Variants in MMP20 observed in about 807,000 individuals in gnomAD.
MMP20 encodes the protein matrix metallopeptidase 20, also known as matrix metalloproteinase-20.
In MMP20, 50 loss-of-function variants were observed where a neutral mutation model predicts 51.8. The ratio of observed to expected loss-of-function variants is 0.97; its 90% CI spans 0.77 to 1.22. MMP20 has a LOEUF of 1.22. MMP20 is among the 50% of genes most tolerant of loss of function. The pLI, the probability that MMP20 is intolerant of heterozygous loss-of-function variation, is 0.00. For missense variants in MMP20, 663 were observed against 601.4 expected, an observed-to-expected ratio of 1.10 and a Z score of -1.07; for synonymous variants, 244 against 216.2, an observed-to-expected ratio of 1.13 and a Z score of -1.13.
chr11:102,585,878 G>A (rs1332562138), intron 8 of MMP20, among the ~76,000 whole-genome samples: 2 of 152,088 alleles, frequency 1.3e-5, no homozygotes, highest in African/African-American at 4.8e-5. Context: ...ATGATCATAT[G>A]ATTTTTGTTT....
At chr11:102,611,417 G>A (rs1389525749) in intron 3 of MMP20, among the ~76,000 whole-genome samples, 1 of 152,238 alleles carries the variant, frequency 6.6e-6, no homozygotes, top group African/African-American at 2.4e-5. Flanking sequence ...GGTTATATAA[G>A]TGATAAACAC....
At chr11:102,599,521 A>G (rs976683248) in intron 6 of MMP20, among the ~76,000 whole-genome samples, 2 of 152,242 alleles carry the variant, frequency 1.3e-5, no homozygotes, top group Non-Finnish European at 2.9e-5. Flanking sequence ...ACTTAAAAGG[A>G]TCAATTGAAA....
chr11:102,606,505 A>G (rs746297837), intron 6 of MMP20, 30 bp downstream of exon 6: 122 of 1,613,260 alleles, frequency 7.6e-5, no homozygotes, highest in Non-Finnish European at 9.1e-5. Flanking sequence ...ATGAGGCCCA[A>G]TGAGAGTCGG....
chr11:102,588,440 G>T (rs1859278541), intron 8 of MMP20, among the ~76,000 whole-genome samples: 1 of 152,034 alleles, frequency 6.6e-6, no homozygotes, highest in Admixed American at 6.6e-5. Flanking sequence ...CTGTTCTTTT[G>T]TTCCTGTGAA....
rs958969591 is a variant in MMP20 at position 102,601,447 on chromosome 11, G to A, written c.953+5088C>T. On this transcript the variant is annotated intron_variant, in intron 6 of 9. Transcript: ENST00000260228. ...GCGCCCGGCCTCGGCTATTCTTATCGTTATTATTTTCGGAGTGCTGAATCT... is the reference window on the plus strand; with the variant it reads ...GCGCCCGGCCTCGGCTATTCTTATCATTATTATTTTCGGAGTGCTGAATCT... Among the ~76,000 whole-genome samples, 5 of 152,124 alleles carry A rather than the reference G, an allele frequency of 3.3e-5. 1 individual carries two copies. The highest frequency in any genetic ancestry group is 1.2e-4 in the African/African-American group (5 of 41,498).
intron 6 of MMP20, among the ~76,000 whole-genome samples, chr11:102,600,720 C>T (rs1006929998): frequency 1.2e-4 from 19 of 152,096 alleles, no homozygotes; most frequent in Non-Finnish European, 2.6e-4. Context: ...CTCCTGACCT[C>T]CAGTGATCCA....
chr11:102,591,302 T>G (rs1373790215), intron 8 of MMP20, among the ~76,000 whole-genome samples: 1 of 152,226 alleles, frequency 6.6e-6, no homozygotes, highest in Non-Finnish European at 1.5e-5. Flanking sequence ...GTCTATGTTT[T>G]GCCAAAAGCA....
intron 2 of MMP20, 108 bp from the exon 3 acceptor site, chr11:102,612,011 T>G: frequency 1.9e-6 from 2 of 1,038,722 alleles, no homozygotes; most frequent in Middle Eastern, 2.0e-4. Context: ...AATTTAGATT[T>G]TTCTCTGAAA....
intron 8 of MMP20, among the ~76,000 whole-genome samples, chr11:102,585,245 C>T (rs1247212058): frequency 1.3e-5 from 2 of 152,108 alleles, no homozygotes; most frequent in East Asian, 3.8e-4. Flanking sequence ...CATGAGATAT[C>T]ACTCCATTTA....
chr11:102,604,092 C>T (rs1784429), intron 6 of MMP20, among the ~76,000 whole-genome samples: 70,450 of 151,238 alleles, frequency 0.47, 16,586 homozygotes, highest in South Asian at 0.61. Context: ...CTGACTTCAC[C>T]ACCTCCTTTA....
Position 102,616,798 on chromosome 11 carries a change from C to G in MMP20, c.374+14G>C. The stretch of plus-strand genomic sequence containing the variant: ...GTGTTTTTCTCTGAATTTGGAAAGA[C>G]TTGATCTCATTACCTGTATGTCAAA... On this transcript the variant is annotated intron_variant, in intron 2 of 9. Coordinates refer to ENST00000260228, the MANE Select transcript of MMP20 (RefSeq NM_004771.4). 6.2e-7 allele frequency: 1 copy of G among 1,614,052 alleles called. No homozygotes were observed. The highest frequency in any genetic ancestry group is 8.5e-7 in the Non-Finnish European group (1 of 1,179,946).
chr11:102,609,481 A>G (rs1487426746), intron 4 of MMP20, among the ~76,000 whole-genome samples: 1 of 152,192 alleles, frequency 6.6e-6, no homozygotes, highest in Non-Finnish European at 1.5e-5. Context: ...TTTGATCCAC[A>G]CGTTTCACAC....
chr11:102,615,542 T>C (rs1320471588), intron 2 of MMP20, among the ~76,000 whole-genome samples: 1 of 152,100 alleles, frequency 6.6e-6, no homozygotes, highest in African/African-American at 2.4e-5. Context: ...GATGTGCTCA[T>C]CCTAAAAGGG....
chr11:102,609,822 G>A lies in MMP20; in HGVS notation c.649+83C>T, dbSNP rs969109909. 5.7e-6 allele frequency: 9 copies of A among 1,592,456 alleles called. No homozygotes were observed. In the Admixed American group the frequency reaches 6.7e-5, roughly 12 times the overall value. On this transcript the variant is annotated intron_variant, in intron 4 of 9. Transcript: ENST00000260228. Reference sequence around the variant, plus strand: ...GCCCCCCTAGTTAAAGGGTGGCTTGGGACGTTGAACCTCAAGGTTTCATGA... The same window carrying A: ...GCCCCCCTAGTTAAAGGGTGGCTTGAGACGTTGAACCTCAAGGTTTCATGA...
At chr11:102,577,976 G>C (rs1348166889) in intron 9 of MMP20, among the ~76,000 whole-genome samples, 1 of 152,190 alleles carries the variant, frequency 6.6e-6, no homozygotes, top group Non-Finnish European at 1.5e-5. Flanking sequence ...TTGCACTTCT[G>C]AACAGTGTCC....
chr11:102,598,353 C>A (rs1470992065), intron 6 of MMP20, among the ~76,000 whole-genome samples: 1 of 152,158 alleles, frequency 6.6e-6, no homozygotes, highest in African/African-American at 2.4e-5. Context: ...GATTATATCA[C>A]TAGTCTATAA....
chr11:102,590,076 C>G (rs1285547784), intron 8 of MMP20, among the ~76,000 whole-genome samples: 2 of 152,122 alleles, frequency 1.3e-5, no homozygotes, highest in Non-Finnish European at 2.9e-5. Flanking sequence ...GCATAAAATT[C>G]AGAAATCATT....
At chr11:102,585,361 A>G (rs1859242943) in intron 8 of MMP20, among the ~76,000 whole-genome samples, 1 of 152,094 alleles carries the variant, frequency 6.6e-6, no homozygotes, top group Admixed American at 6.5e-5. Flanking sequence ...ACTCTTTTTG[A>G]TGCTATTCCA....
chr11:102,624,299 C>T (rs1205552124), intron 1 of MMP20, among the ~76,000 whole-genome samples: 3 of 152,066 alleles, frequency 2.0e-5, no homozygotes, highest in Non-Finnish European at 4.4e-5. Flanking sequence ...AAAGCATTTC[C>T]TCTATATATC....
Sources: gnomAD v4.1 joint callset for allele counts (sites outside exome capture counted in the v4.1 genomes callset) on GRCh38, gnomAD v4.1.1 for gene constraint, MANE v1.5 for transcripts, NCBI Gene and HGNC (gene_info 2026-07-23, HGNC 2026-07-21) for gene names.